The following RYR2 variants were observed in gnomAD, a reference collection of about 807,000 sequenced individuals.
The protein encoded by RYR2 is ryanodine receptor 2.
RYR2 carries 227 observed loss-of-function variants against 601.1 expected under a neutral mutation model. The ratio of observed to expected loss-of-function variants is 0.38; its 90% CI spans 0.34 to 0.42. RYR2 has a LOEUF of 0.42. Among genes scored for constraint, RYR2 ranks in the 10% least tolerant of loss-of-function variants. The probability of loss-of-function intolerance (pLI) is 1.00; values close to 1 mark genes in which losing one functional copy is unlikely to be tolerated. For synonymous variants in RYR2, 2,223 were observed against 2,175.1 expected, an observed-to-expected ratio of 1.02 and a Z score of -0.61; for missense variants, 4,646 against 6,156.5, an observed-to-expected ratio of 0.75 and a Z score of 8.21.
chr1:237,129,547 ATGCAGATCTCTC>A (rs1671925142), intron 1 of RYR2, among the ~76,000 whole-genome samples: 2 of 152,252 alleles, frequency 1.3e-5, no homozygotes, highest in African/African-American at 4.8e-5. Context: ...GTCTGCAGGA[ATGCAGATCTCTC>A]TTCAGCATGA....
rs79196720 is a variant in RYR2, at chr1:237,533,537, T to C, written c.2906+3027T>C. 8.9e-3 allele frequency among the ~76,000 whole-genome samples: 1,360 copies of C among 152,102 alleles called. 22 individuals are homozygous for C. Among genetic ancestry groups the C allele is most frequent in the African/African-American group, 0.031 (1,282 of 41,504 alleles). ...GAAGAAATATTCTTCAATAAGAAAA[T>C]GAATCAAGTTGGCTATAGTCTAATA... On this transcript the variant is annotated intron_variant, in intron 25 of 104. Coordinates refer to ENST00000366574, the MANE Select transcript of RYR2 (RefSeq NM_001035.3).
intron 2 of RYR2, 22 bp from the exon 3 acceptor site, chr1:237,330,856 T>G: frequency 6.3e-7 from 1 of 1,588,892 alleles, no homozygotes; most frequent in Non-Finnish European, 8.6e-7. Context: ...TGCTGCTGAC[T>G]GCTCTTCCTC....
intron 62 of RYR2, 93 bp downstream of exon 62, chr1:237,680,670 A>T: frequency 1.1e-6 from 1 of 871,740 alleles, no homozygotes; most frequent in Non-Finnish European, 1.7e-6. Context: ...GGCTGTACGG[A>T]GAGTATCTGC....
intron 1 of RYR2, among the ~76,000 whole-genome samples, chr1:237,105,387 T>G (rs1668551158): frequency 6.6e-6 from 1 of 151,972 alleles, no homozygotes; most frequent in African/African-American, 2.4e-5. Flanking sequence ...ATGGAGGGAA[T>G]GAGTGGTGAT....
intron 57 of RYR2, 72 bp from the exon 58 acceptor site, chr1:237,667,810 TA>T: frequency 8.9e-7 from 1 of 1,120,774 alleles, no homozygotes; most frequent in Non-Finnish European, 1.3e-6. Context: ...TTACGGTATC[TA>T]ATATTATATA....
rs10925392 is a variant in RYR2 at position 237,377,442 on chromosome 1, G to A, written c.576+7G>A. 1.9e-6 allele frequency: 3 copies of A among 1,597,170 alleles called. No homozygotes were observed. Among genetic ancestry groups the A allele is most frequent in the Middle Eastern group, 1.6e-4 (1 of 6,062 alleles). ...GTCCTCTGAAAGGTACTTGGTAAGTGTGGAAAGTAGGATCATGTATCTGCT... is the reference window on the plus strand; with the variant it reads ...GTCCTCTGAAAGGTACTTGGTAAGTATGGAAAGTAGGATCATGTATCTGCT... On this transcript the variant is annotated splice_region_variant and intron_variant, in intron 8 of 104. Transcript: ENST00000366574.
chr1:237,096,424 A>C (rs183528641), intron 1 of RYR2, among the ~76,000 whole-genome samples: 6 of 152,258 alleles, frequency 3.9e-5, no homozygotes, highest in Admixed American at 6.5e-5. Flanking sequence ...AATTGTTCTT[A>C]TGAGAATGGT....
intron 1 of RYR2, among the ~76,000 whole-genome samples, chr1:237,088,379 C>A (rs1291317578): frequency 6.6e-6 from 1 of 152,174 alleles, no homozygotes; most frequent in Non-Finnish European, 1.5e-5. Flanking sequence ...GCTTTTCTTT[C>A]CTTTTTCTAC....
intron 1 of RYR2, among the ~76,000 whole-genome samples, chr1:237,139,857 G>A (rs1401068450): frequency 6.6e-6 from 1 of 152,216 alleles, no homozygotes; most frequent in East Asian, 1.9e-4. Context: ...TGGTGGCTTT[G>A]ACGAAATGGA....
chr1:237,631,551 T>C lies in RYR2; in HGVS notation c.6555+10T>C, dbSNP rs1392589693. ...AGGTGGAGAGTCCAAGGTAACGTCT[T>C]TGATTCCTGAGATGCTATTTAGTAT... On this transcript the variant is annotated intron_variant, in intron 42 of 104. Coordinates refer to ENST00000366574, the MANE Select transcript of RYR2 (RefSeq NM_001035.3). 6.4e-7 allele frequency: 1 copy of C among 1,554,730 alleles called. No individual in the cohort carries two copies.
rs1400077755 is a variant in RYR2, at chr1:237,395,564, T to TTTTTTTTG, written c.773+7381_773+7382insTTTTTTTG. ...TTTTTTTTTTTTTTTTTTTTTTTTT[T>TTTTTTTTG]GAGACAGAGTCTCGCTTTGTTCCCC... On this transcript the variant is annotated intron_variant, in intron 10 of 104. Transcript: ENST00000366574. Among the ~76,000 whole-genome samples, 163 of 77,624 alleles carry TTTTTTTTG rather than the reference T, an allele frequency of 2.1e-3. 7 individuals carry two copies. The highest frequency in any genetic ancestry group is 7.3e-3 in the African/African-American group (125 of 17,054). The allele number at this position is 77,624 out of a possible 152,430, so 50.9% of individuals were successfully genotyped here.
intron 17 of RYR2, among the ~76,000 whole-genome samples, chr1:237,489,872 CAT>C (rs1205055754): frequency 1.3e-5 from 2 of 152,170 alleles, no homozygotes; most frequent in Non-Finnish European, 2.9e-5. Context: ...AGAGCAAAGA[CAT>C]GTCATCAATC....
chr1:237,635,064 T>C, intron 44 of RYR2, 72 bp downstream of exon 44: 1 of 1,196,918 alleles, frequency 8.4e-7, no homozygotes, highest in Non-Finnish European at 1.1e-6. Flanking sequence ...ATTTTAAATA[T>C]AAGTAAGGTT....
intron 64 of RYR2, 102 bp downstream of exon 64, chr1:237,699,127 G>C: frequency 1.6e-6 from 1 of 607,798 alleles, no homozygotes; most frequent in South Asian, 2.9e-5. Context: ...TTATTCTTTG[G>C]ATTTGTAATA....
intron 63 of RYR2, among the ~76,000 whole-genome samples, chr1:237,690,253 G>T (rs1038930419): frequency 6.6e-6 from 1 of 152,176 alleles, no homozygotes; most frequent in Non-Finnish European, 1.5e-5. Context: ...AGAATAGTGG[G>T]TTTGGAATCA....
At chr1:237,768,123 C>T (rs1210204725) in intron 84 of RYR2, among the ~76,000 whole-genome samples, 3 of 152,010 alleles carry the variant, frequency 2.0e-5, no homozygotes, top group South Asian at 2.1e-4. Flanking sequence ...CTGTTTCACT[C>T]GTAGCTTGGT....
intron 11 of RYR2, among the ~76,000 whole-genome samples, chr1:237,417,903 A>G (rs938991594): frequency 3.9e-5 from 6 of 152,072 alleles, no homozygotes; most frequent in South Asian, 4.1e-4. Flanking sequence ...TTCCTAGTAT[A>G]TTGGGTTTTA....
intron 16 of RYR2, among the ~76,000 whole-genome samples, chr1:237,458,012 T>C (rs2150236229): frequency 6.6e-6 from 1 of 152,304 alleles, no homozygotes; most frequent in Middle Eastern, 3.4e-3. Flanking sequence ...ACCCCCTTAC[T>C]TGAGCCACAT....
At chr1:237,529,094 C>T (rs1047247192) in intron 24 of RYR2, among the ~76,000 whole-genome samples, 1 of 152,138 alleles carries the variant, frequency 6.6e-6, no homozygotes, top group South Asian at 2.1e-4. Flanking sequence ...TGATAGCACT[C>T]AGTAGATATT....
Sources: allele counts gnomAD v4.1 joint callset (sites outside exome capture counted in the v4.1 genomes callset), GRCh38; gene constraint gnomAD v4.1.1; transcripts MANE v1.5; gene names NCBI Gene and HGNC (gene_info 2026-07-23, HGNC 2026-07-21).